METAP1D: variants seen among roughly 807,000 people sequenced by gnomAD.
METAP1D encodes the protein methionine aminopeptidase 1D, mitochondrial.
In METAP1D, 31 loss-of-function variants were observed where a neutral mutation model predicts 40.5. The ratio of observed to expected loss-of-function variants is 0.77; its 90% confidence interval spans 0.58 to 1.03. The LOEUF (loss-of-function observed/expected upper bound fraction) is 1.03. Ranked by LOEUF, METAP1D falls within the 50% of genes least tolerant of loss-of-function variation. The probability of loss-of-function intolerance (pLI) is 0.00; values close to 1 mark genes in which losing one functional copy is unlikely to be tolerated. For synonymous variants in METAP1D, 151 were observed against 146.4 expected, an observed-to-expected ratio of 1.03 and a Z score of -0.22; for missense variants, 411 against 420.7, an observed-to-expected ratio of 0.98 and a Z score of 0.20.
At chr2:172,043,123 T>TTA (rs1689659684) in intron 1 of METAP1D, among the ~76,000 whole-genome samples, 1 of 80,392 alleles carries the variant, frequency 1.2e-5, no homozygotes, top group African/African-American at 3.7e-5. Flanking sequence ...ATATATTTTT[T>TTA]GGGATACAGG....
At chr2:172,068,053 C>T (rs189628339) in intron 5 of METAP1D, among the ~76,000 whole-genome samples, 22 of 152,168 alleles carry the variant, frequency 1.4e-4, no homozygotes, top group East Asian at 3.9e-4. Context: ...AAAGACAATG[C>T]GATGTCCATA....
chr2:172,060,166 A>G (rs1690105367), intron 1 of METAP1D, among the ~76,000 whole-genome samples: 1 of 152,156 alleles, frequency 6.6e-6, no homozygotes, highest in African/African-American at 2.4e-5. Flanking sequence ...CTGTAACCTC[A>G]ACACTTTGGG....
At chr2:172,006,656 G>T (rs6433322) in intron 1 of METAP1D, among the ~76,000 whole-genome samples, 28,298 of 152,040 alleles carry the variant, frequency 0.19, 3,852 homozygotes, top group African/African-American at 0.38. Flanking sequence ...TTGTTTTTAC[G>T]GAGACTGAAT....
At position 172,080,144 on chromosome 2, in the gene METAP1D, G is replaced by A; in HGVS notation, c.867G>A (p.Glu289=). 1 of 1,614,136 alleles carries A rather than the reference G, an allele frequency of 6.2e-7. No homozygotes were observed. The highest frequency in any genetic ancestry group is 1.1e-5 in the South Asian group (1 of 91,082). The change falls in exon 9 of 10, where the codon GAG becomes GAA. Residue 289 remains glutamate (E), a synonymous_variant. Transcript: ENST00000315796. ...CTCTTACAGAGCCAATCATCACGGA[G>A]GGATCCCCTGAATTTAAAGTCCTGG... ...MAFTIEPIIT[E]GSPEFKVLED... is the part of the protein sequence containing the mutation.
At chr2:172,061,869 TTAGAG>T (rs1406794712) in intron 2 of METAP1D, 3 of 337,664 alleles carry the variant, frequency 8.9e-6, no homozygotes, top group Non-Finnish European at 1.6e-5. Context: ...TTTCAATTGC[TTAGAG>T]TATTTAGAAT....
intron 1 of METAP1D, among the ~76,000 whole-genome samples, chr2:172,038,684 CG>C (rs1351528254): frequency 6.6e-6 from 1 of 152,032 alleles, no homozygotes; most frequent in Non-Finnish European, 1.5e-5. Context: ...CAGACTTGTG[CG>C]GCAAAAGGAA....
chr2:172,049,467 C>T (rs1176396516), intron 1 of METAP1D, among the ~76,000 whole-genome samples: 1 of 151,516 alleles, frequency 6.6e-6, no homozygotes, highest in Non-Finnish European at 1.5e-5. Context: ...ATATATGGGC[C>T]AAATTGTAAG....
chr2:172,027,372 A>G (rs1689141341), intron 1 of METAP1D, among the ~76,000 whole-genome samples: 1 of 152,250 alleles, frequency 6.6e-6, no homozygotes, highest in Non-Finnish European at 1.5e-5. Context: ...ATACACAAAT[A>G]CTTACCATTG....
intron 1 of METAP1D, among the ~76,000 whole-genome samples, chr2:172,007,165 ATT>A (rs139762342): frequency 8.9e-5 from 12 of 134,314 alleles, no homozygotes; most frequent in African/African-American, 1.4e-4. Context: ...ATGTCATGTA[ATT>A]TTTTTTTTTT....
intron 1 of METAP1D, among the ~76,000 whole-genome samples, chr2:172,045,279 AAAAG>A (rs1189243695): frequency 7.5e-6 from 1 of 134,150 alleles, no homozygotes; most frequent in African/African-American, 2.5e-5. Flanking sequence ...AACCAAAACA[AAAAG>A]GACCTACCAA....
chr2:172,033,305 A>G (rs1190621396), intron 1 of METAP1D, among the ~76,000 whole-genome samples: 2 of 152,096 alleles, frequency 1.3e-5, no homozygotes, highest in South Asian at 2.1e-4. Flanking sequence ...AGACATAGCA[A>G]TCAAGTACAA....
At chr2:172,027,245 CA>C (rs1027366551) in intron 1 of METAP1D, among the ~76,000 whole-genome samples, 4 of 152,202 alleles carry the variant, frequency 2.6e-5, no homozygotes, top group African/African-American at 9.6e-5. Flanking sequence ...ATAGGTAAAT[CA>C]CATACCCACA....
chr2:172,080,218 C>G lies in METAP1D; in HGVS notation c.929+12C>G. The G allele has an allele frequency of 1.2e-6, 2 of 1,614,124 alleles. No homozygotes were observed. The highest frequency in any genetic ancestry group is 3.3e-5 in the Admixed American group (2 of 60,032). ...CTAGACAATCAAAGGTGTTTGCTTT[C>G]TGCTCTGTTGCTTTTAAATTGTATG... On this transcript the variant is annotated intron_variant, in intron 9 of 9. Transcript: ENST00000315796.
At chr2:172,079,674 A>T (rs1162480870) in intron 8 of METAP1D, among the ~76,000 whole-genome samples, 1 of 152,194 alleles carries the variant, frequency 6.6e-6, no homozygotes, top group East Asian at 1.9e-4. Context: ...CCGTAAAGAC[A>T]TCCTGTTTCT....
intron 1 of METAP1D, among the ~76,000 whole-genome samples, chr2:172,045,737 A>ATG (rs1689728963): frequency 2.2e-5 from 1 of 45,356 alleles, no homozygotes; most frequent in African/African-American, 6.5e-5. Context: ...GTGTGTATAT[A>ATG]TATGTGTATA....
chr2:172,005,742 T>C, intron 1 of METAP1D, among the ~76,000 whole-genome samples: 1 of 151,570 alleles, frequency 6.6e-6, no homozygotes, highest in Non-Finnish European at 1.5e-5. Context: ...TTTCACCATG[T>C]TGGCCAGGCT....
Position 172,080,139 on chromosome 2 carries a change from ACGGAGGGATCCC to A in METAP1D, c.864_875del (p.Gly290_Glu293del). 6.2e-7 allele frequency: 1 copy of A among 1,614,134 alleles called. No individual in the cohort carries two copies. Among genetic ancestry groups the A allele is most frequent in the Non-Finnish European group, 8.5e-7 (1 of 1,179,972 alleles). On this transcript the variant is annotated inframe_deletion, in exon 9 of 10. Coordinates refer to ENST00000315796, the MANE Select transcript of METAP1D (RefSeq NM_199227.3). ...TTTTCCTCTTACAGAGCCAATCATCACGGAGGGATCCCCTGAATTTAAAGTCCTGGAGGATGC... is the reference window on the plus strand; with the variant it reads ...TTTTCCTCTTACAGAGCCAATCATCACTGAATTTAAAGTCCTGGAGGATGC...
intron 1 of METAP1D, among the ~76,000 whole-genome samples, chr2:172,036,521 A>T (rs1347657879): frequency 1.3e-5 from 2 of 150,296 alleles, no homozygotes; most frequent in African/African-American, 4.9e-5. Context: ...GCCTGCCACC[A>T]CGCCCGGCTA....
At chr2:172,001,925 G>C (rs1688473157) in intron 1 of METAP1D, among the ~76,000 whole-genome samples, 1 of 151,844 alleles carries the variant, frequency 6.6e-6, no homozygotes, top group South Asian at 2.1e-4. Flanking sequence ...GGTGAAACCT[G>C]TCTCTACTAA....
Sources: gnomAD v4.1 joint callset for allele counts (sites outside exome capture counted in the v4.1 genomes callset) on GRCh38, gnomAD v4.1.1 for gene constraint, MANE v1.5 for transcripts, NCBI Gene and HGNC (gene_info 2026-07-23, HGNC 2026-07-21) for gene names.